MS4A4A: variants seen among roughly 807,000 people sequenced by gnomAD.
MS4A4A encodes membrane-spanning 4-domains subfamily A member 4A.
In MS4A4A, 26 loss-of-function variants were observed where a neutral mutation model predicts 28.0. The observed-to-expected ratio is 0.93, with a 90% CI of 0.68 to 1.29. The LOEUF is 1.29. Ranked by LOEUF, MS4A4A falls within the 50% of genes most tolerant of loss-of-function variation. The pLI is 0.00. For missense variants in MS4A4A, 290 were observed against 293.1 expected, an observed-to-expected ratio of 0.99 and a Z score of 0.08; for synonymous variants, 86 against 100.8, an observed-to-expected ratio of 0.85 and a Z score of 0.88.
intron 2 of MS4A4A, 30 bp downstream of exon 2, chr11:60,292,414 G>A: frequency 6.4e-7 from 1 of 1,552,568 alleles, no homozygotes; most frequent in Non-Finnish European, 8.7e-7. Flanking sequence ...GAAGACCAAT[G>A]GTGTTGCAAA....
chr11:60,288,543 G>A (rs1313339503), intron 1 of MS4A4A, among the ~76,000 whole-genome samples: 4 of 152,152 alleles, frequency 2.6e-5, no homozygotes, highest in Admixed American at 2.6e-4. Flanking sequence ...AAAGAGGGGT[G>A]CTCTGGAGGC....
At chr11:60,307,445 T>C (rs1162272037) in intron 6 of MS4A4A, among the ~76,000 whole-genome samples, 1 of 152,232 alleles carries the variant, frequency 6.6e-6, no homozygotes, top group Non-Finnish European at 1.5e-5. Context: ...TTATTTTCAT[T>C]GAGTGAAACG....
At chr11:60,288,345 T>C (rs1372060802) in intron 1 of MS4A4A, among the ~76,000 whole-genome samples, 1 of 152,106 alleles carries the variant, frequency 6.6e-6, no homozygotes, top group East Asian at 1.9e-4. Context: ...GGAGCTGGGG[T>C]CTTAGGCTCA....
chr11:60,297,109 TA>T, intron 2 of MS4A4A, 87 bp from the exon 3 acceptor site: 1 of 1,491,630 alleles, frequency 6.7e-7, no homozygotes. Context: ...TGAAGGAGAA[TA>T]AGGATAGCTT....
Position 60,292,302 on chromosome 11 carries a change from T to C in MS4A4A, c.119T>C (p.Leu40Pro), listed in dbSNP as rs1410630099. Residue 40 changes from leucine (L) to proline (P), a missense_variant, in exon 2 of 7, where the codon CTG becomes CCG. Physicochemically the swap from Leu to Pro is moderately conservative, Grantham distance 98. Coordinates refer to ENST00000337908, the MANE Select transcript of MS4A4A (RefSeq NM_148975.3). Reference protein sequence around the residue: ...MPGAGPGVPQLGNMAVIHSHL... With the variant: ...MPGAGPGVPQPGNMAVIHSHL... ...GGGGCTGGCCCTGGTGTGCCCCAGC[T>C]GGGAAACATGGCTGTCATACATTCA... 1.2e-6 allele frequency: 2 copies of C among 1,609,282 alleles called. No homozygotes were observed. Among genetic ancestry groups the C allele is most frequent in the African/African-American group, 2.7e-5 (2 of 74,578 alleles).
At chr11:60,307,960 T>C (rs1310532864) in intron 6 of MS4A4A, 147 bp from the exon 7 acceptor site, 1 of 727,532 alleles carries the variant, frequency 1.4e-6, no homozygotes, top group Non-Finnish European at 2.4e-6. Context: ...ATCAAGAGAG[T>C]GACTGAGAAA....
chr11:60,285,957 G>T (rs1234345521), intron 1 of MS4A4A, among the ~76,000 whole-genome samples: 1 of 152,164 alleles, frequency 6.6e-6, no homozygotes, highest in African/African-American at 2.4e-5. Flanking sequence ...TGAGGGTGCT[G>T]CAGGAGACCA....
intron 1 of MS4A4A, 110 bp downstream of exon 1, chr11:60,280,826 T>C (rs1397833117): frequency 3.1e-6 from 4 of 1,281,584 alleles, no homozygotes; most frequent in Non-Finnish European, 4.4e-6. Context: ...CCACTTCCCA[T>C]GACCCAAGCT....
chr11:60,280,835 C>A (rs2084749388), intron 1 of MS4A4A, 119 bp downstream of exon 1: 1 of 1,229,574 alleles, frequency 8.1e-7, no homozygotes, highest in Non-Finnish European at 1.2e-6. Context: ...ATGACCCAAG[C>A]TGGTATTCAG....
At chr11:60,301,413 G>A (rs1044264949) in intron 4 of MS4A4A, among the ~76,000 whole-genome samples, 1 of 152,170 alleles carries the variant, frequency 6.6e-6, no homozygotes, top group Non-Finnish European at 1.5e-5. Flanking sequence ...CTGACCCATT[G>A]ATTATAATGT....
intron 1 of MS4A4A, among the ~76,000 whole-genome samples, chr11:60,289,752 C>A (rs915261294): frequency 2.0e-5 from 3 of 151,738 alleles, no homozygotes; most frequent in Non-Finnish European, 2.9e-5. Context: ...CTATTATGAC[C>A]ATTTTCTTGT....
intron 5 of MS4A4A, among the ~76,000 whole-genome samples, chr11:60,304,207 T>G (rs984470805): frequency 3.9e-5 from 6 of 152,156 alleles, no homozygotes; most frequent in African/African-American, 1.2e-4. Context: ...TTTACGAAGT[T>G]CTCTTCATTG....
intron 1 of MS4A4A, 118 bp from the exon 2 acceptor site, chr11:60,292,107 A>T: frequency 8.0e-7 from 1 of 1,251,774 alleles, no homozygotes. Context: ...AACAGCTATT[A>T]TGATATGGGA....
At chr11:60,293,553 G>T (rs975897628) in intron 2 of MS4A4A, among the ~76,000 whole-genome samples, 1 of 152,114 alleles carries the variant, frequency 6.6e-6, no homozygotes, top group Admixed American at 6.5e-5. Context: ...TCACAATGGG[G>T]TTCATTCTCT....
chr11:60,301,455 G>A (rs1326282066), intron 4 of MS4A4A, among the ~76,000 whole-genome samples: 3 of 152,100 alleles, frequency 2.0e-5, no homozygotes, highest in Admixed American at 2.0e-4. Flanking sequence ...AGGATTTTGA[G>A]TTTTCAATAA....
chr11:60,294,892 A>ACTACTTCTTCTTCTTCTTCTTCTTCTT (rs60374079), intron 2 of MS4A4A, among the ~76,000 whole-genome samples: 50 of 130,934 alleles, frequency 3.8e-4, no homozygotes, highest in East Asian at 1.2e-3. Context: ...TACAACTACT[A>ACTACTTCTTCTTCTTCTTCTTCTTCTT]CTTCTTCTTC....
At chr11:60,306,594 A>G (rs957229872) in intron 6 of MS4A4A, among the ~76,000 whole-genome samples, 2 of 152,180 alleles carry the variant, frequency 1.3e-5, no homozygotes, top group African/African-American at 2.4e-5. Flanking sequence ...CTGAAAGTCA[A>G]CTAGTTAGTA....
At chr11:60,304,205 G>T (rs1427262394) in intron 5 of MS4A4A, among the ~76,000 whole-genome samples, 2 of 152,100 alleles carry the variant, frequency 1.3e-5, no homozygotes, top group African/African-American at 2.4e-5. Flanking sequence ...AGTTTACGAA[G>T]TTCTCTTCAT....
In MS4A4A at chr11:60,308,234, A is replaced by G. The variant is rs926595970; in HGVS notation, c.*56A>G. Reference sequence around the variant, plus strand: ...CAGAAATCTATGCTGACTGTGACACAAGAGCCTCACATGAGAAATTACCAG... The same window carrying G: ...CAGAAATCTATGCTGACTGTGACACGAGAGCCTCACATGAGAAATTACCAG... On this transcript the variant is annotated 3_prime_UTR_variant, in exon 7 of 7. Coordinates refer to ENST00000337908, the MANE Select transcript of MS4A4A (RefSeq NM_148975.3). The G allele has an allele frequency of 1.5e-4, 235 of 1,535,282 alleles. No individual in the cohort carries two copies. Among genetic ancestry groups the G allele is most frequent in the Non-Finnish European group, 1.9e-4 (215 of 1,110,118 alleles).
Sources: gnomAD v4.1 joint callset for allele counts (sites outside exome capture counted in the v4.1 genomes callset) on GRCh38, gnomAD v4.1.1 for gene constraint, MANE v1.5 for transcripts, NCBI Gene and HGNC (gene_info 2026-07-23, HGNC 2026-07-21) for gene names.